Variants in LRRCC1 observed in about 807,000 individuals in gnomAD.
LRRCC1 encodes the protein leucine rich repeat and coiled-coil centrosomal protein 1.
Under a neutral mutation model 126.0 loss-of-function variants are expected in LRRCC1, and 115 were observed. That is an observed-to-expected ratio of 0.91 (90% confidence interval 0.78 to 1.07). The LOEUF (loss-of-function observed/expected upper bound fraction) is 1.07, where lower values mean the gene tolerates loss of function less well. Among genes scored for constraint, LRRCC1 ranks in the 50% least tolerant of loss-of-function variants. The pLI is 0.00. For synonymous variants in LRRCC1, 400 were observed against 393.4 expected (o/e 1.02, Z -0.20); for missense variants, 1,172 against 1,175.7 (o/e 1.00, Z 0.05).
chr8:85,132,612 C>T (rs956499063), intron 12 of LRRCC1, among the ~76,000 whole-genome samples: 1 of 152,058 alleles, frequency 6.6e-6, no homozygotes, highest in South Asian at 2.1e-4. Context: ...AGGCTGGTCT[C>T]GAACTCCTGA....
chr8:85,129,304 C>T lies in LRRCC1; in HGVS notation c.1551C>T (p.His517=). Residue 517 remains histidine, a synonymous_variant, in exon 10 of 19, where the codon CAC becomes CAT. Coordinates refer to ENST00000360375, the MANE Select transcript of LRRCC1 (RefSeq NM_033402.5). ...LMKAKDQQED[H]LKHLRTLEKT... Reference sequence around the variant, plus strand: ...AAGCAAAAGATCAACAAGAGGATCACCTTAAACACTTAAGAACCCTCGAAA... The same window carrying T: ...AAGCAAAAGATCAACAAGAGGATCATCTTAAACACTTAAGAACCCTCGAAA... 1 of 1,613,640 alleles carries T rather than the reference C, an allele frequency of 6.2e-7. No homozygotes were observed. Among genetic ancestry groups the T allele is most frequent in the Non-Finnish European group, 8.5e-7 (1 of 1,179,876 alleles).
In LRRCC1 at chr8:85,123,591, A is replaced by G. The variant is rs1364062260; in HGVS notation, c.1109A>G (p.Tyr370Cys). 1 of 1,575,506 alleles carries G rather than the reference A, an allele frequency of 6.3e-7. No homozygotes were observed. The highest frequency in any genetic ancestry group is 8.6e-7 in the Non-Finnish European group (1 of 1,168,582). ...ACTATTAAGCACCACAATAAAAACT[A>G]CAACTCTTTTGTAAGGTACTTGTTT... Reference protein sequence around the residue: ...IQTIKHHNKNYNSFVSCNRKM... With the variant: ...IQTIKHHNKNCNSFVSCNRKM... The change falls in exon 7 of 19, where the codon TAC becomes TGC. Residue 370 changes from tyrosine to cysteine, a missense_variant. Tyr to Cys is a radical substitution (Grantham distance 194). Transcript: ENST00000360375.
At chr8:85,114,233 T>TA (rs1208603639) in intron 4 of LRRCC1, among the ~76,000 whole-genome samples, 1 of 151,980 alleles carries the variant, frequency 6.6e-6, no homozygotes, top group African/African-American at 2.4e-5. Flanking sequence ...AGTTGGATTT[T>TA]TTTTTTTTAA....
At position 85,109,772 on chromosome 8, in the gene LRRCC1, G is replaced by A. The variant is rs762000244; in HGVS notation, c.282G>A (p.Leu94=). 2.5e-5 allele frequency: 39 copies of A among 1,578,010 alleles called. 2 individuals are homozygous for A. The South Asian group carries it at 4.6e-4, about 18-fold the overall frequency. Residue 94 remains leucine (L), a synonymous_variant, in exon 2 of 19, where the codon TTG becomes TTA. Coordinates refer to ENST00000360375, the MANE Select transcript of LRRCC1 (RefSeq NM_033402.5). ...NTLTKLCTLN[L]SCNLITKVEG... ...TGACAAAACTGTGCACATTAAATTT[G>A]TCCTGCAATTTGATTACAAAAGTAG... is the stretch of plus-strand genomic sequence containing the variant.
At chr8:85,116,518 A>T (rs922287031) in intron 6 of LRRCC1, among the ~76,000 whole-genome samples, 2 of 152,078 alleles carry the variant, frequency 1.3e-5, no homozygotes, top group Non-Finnish European at 2.9e-5. Flanking sequence ...GACTACAGGC[A>T]CATGCCACTG....
At position 85,138,348 on chromosome 8, in the gene LRRCC1, CG is replaced by C; in HGVS notation, c.2715del (p.Lys906SerfsTer16). ...TACTTCTCATATTAGTACACTGAAT[CG>C]GAAGTGGCATGATAAAGGAGAACTT... ...EIRKAYSTLN[R>X]KWHDKGELLC... On this transcript the variant is annotated frameshift_variant, in exon 17 of 19. Coordinates refer to ENST00000360375, the MANE Select transcript of LRRCC1 (RefSeq NM_033402.5). LOFTEE classifies it high-confidence loss of function. 1 of 1,602,910 alleles carries C rather than the reference CG, an allele frequency of 6.2e-7. No homozygotes were observed. Among genetic ancestry groups the C allele is most frequent in the Admixed American group, 1.7e-5 (1 of 57,584 alleles).
chr8:85,126,482 C>A (rs1810008835), intron 8 of LRRCC1, among the ~76,000 whole-genome samples: 1 of 152,182 alleles, frequency 6.6e-6, no homozygotes, highest in Non-Finnish European at 1.5e-5. Context: ...TGCTGGAATC[C>A]AGGAGGTGGA....
At chr8:85,144,461 TATATATATATA>T (rs1214492021) in intron 18 of LRRCC1, among the ~76,000 whole-genome samples, 4,216 of 56,134 alleles carry the variant, frequency 0.075, 231 homozygotes, top group African/African-American at 0.21. Flanking sequence ...TATATATATA[TATATATATATA>T]TATTTTTTTT....
chr8:85,135,827 C>A lies in LRRCC1; in HGVS notation c.2193C>A (p.Asp731Glu). 1.3e-6 allele frequency: 2 copies of A among 1,563,652 alleles called. No homozygotes were observed. The highest frequency in any genetic ancestry group is 1.8e-5 in the Admixed American group (1 of 54,854). ...INTLEILIED[D>E]KQKSIQIELL... ...CCCTTGAAATTTTAATTGAAGATGA[C>A]AAGCAGAAGAGTATTCAAATAGAAC... Residue 731 changes from aspartate (D) to glutamate (E), a missense_variant, in exon 14 of 19, where the codon GAC becomes GAA. Asp to Glu is a conservative substitution (Grantham distance 45, BLOSUM62 2). Transcript: ENST00000360375.
chr8:85,111,881 T>G (rs1390122505), intron 3 of LRRCC1, among the ~76,000 whole-genome samples: 1 of 151,810 alleles, frequency 6.6e-6, no homozygotes, highest in Non-Finnish European at 1.5e-5. Flanking sequence ...TGTTTTTTTT[T>G]TTTTTTAATT....
chr8:85,140,586 C>T (rs1811185832), intron 17 of LRRCC1, among the ~76,000 whole-genome samples: 1 of 152,164 alleles, frequency 6.6e-6, no homozygotes, highest in Non-Finnish European at 1.5e-5. Context: ...CTCCAGGATA[C>T]TTTTAGTATG....
At position 85,138,018 on chromosome 8, in the gene LRRCC1, C is replaced by T. The variant is rs1271832839; in HGVS notation, c.2494-17C>T. 4 of 1,402,734 alleles carry T rather than the reference C, an allele frequency of 2.9e-6. No homozygotes were observed. The South Asian group carries it at 5.5e-5, about 19-fold the overall frequency. The allele number at this position is 1,402,734 out of a possible 1,614,324, so 86.9% of individuals were successfully genotyped here. On this transcript the variant is annotated splice_polypyrimidine_tract_variant and intron_variant, in intron 15 of 18. Coordinates refer to ENST00000360375, the MANE Select transcript of LRRCC1 (RefSeq NM_033402.5). ...TTTAAAGTTAATAAAAACAAAGTGC[C>T]AATTTTTTTCTTAAAGTGTTTACAA...
intron 14 of LRRCC1, 49 bp from the exon 15 acceptor site, chr8:85,137,415 A>G (rs773272869): frequency 1.6e-6 from 2 of 1,265,142 alleles, no homozygotes; most frequent in Non-Finnish European, 2.1e-6. Context: ...ATAAGATACA[A>G]ACCCCCAAGG....
intron 3 of LRRCC1, among the ~76,000 whole-genome samples, chr8:85,112,050 C>T (rs761000317): frequency 1.3e-5 from 2 of 151,672 alleles, no homozygotes; most frequent in African/African-American, 2.4e-5. Context: ...TTAGTAGAGA[C>T]GGGGTTTTGC....
chr8:85,109,923 A>G (rs1392135397), intron 2 of LRRCC1, 123 bp downstream of exon 2: 2 of 634,726 alleles, frequency 3.2e-6, no homozygotes, highest in Admixed American at 7.2e-5. Flanking sequence ...CTCATTATAC[A>G]AAATATTTTC....
intron 6 of LRRCC1, among the ~76,000 whole-genome samples, chr8:85,122,669 AAAG>A (rs1322145567): frequency 6.6e-6 from 1 of 152,152 alleles, no homozygotes; most frequent in Admixed American, 6.5e-5. Flanking sequence ...TCGCTATTTT[AAAG>A]TTCTTGTTTG....
intron 6 of LRRCC1, among the ~76,000 whole-genome samples, chr8:85,116,661 AC>A (rs1809149358): frequency 6.6e-6 from 1 of 152,200 alleles, no homozygotes; most frequent in African/African-American, 2.4e-5. Flanking sequence ...GGCAAGAGCC[AC>A]CACGCCCAAC....
intron 17 of LRRCC1, among the ~76,000 whole-genome samples, chr8:85,140,833 C>A (rs1020309434): frequency 6.6e-6 from 1 of 152,076 alleles, no homozygotes; most frequent in Non-Finnish European, 1.5e-5. Flanking sequence ...GAGGCCGAGG[C>A]GGGCAGATCA....
At chr8:85,129,098 T>C (rs1810239155) in intron 9 of LRRCC1, 77 bp from the exon 10 acceptor site, 3 of 1,010,098 alleles carry the variant, frequency 3.0e-6, no homozygotes, top group Non-Finnish European at 4.5e-6. Flanking sequence ...GTTCAGAGAG[T>C]ACTCTCATTG....
Sources: allele counts gnomAD v4.1 joint callset (sites outside exome capture counted in the v4.1 genomes callset), GRCh38; gene constraint gnomAD v4.1.1; transcripts MANE v1.5; gene names NCBI Gene and HGNC (gene_info 2026-07-23, HGNC 2026-07-21).